Variants in RCAN2 observed in about 807,000 individuals in gnomAD.
The protein encoded by RCAN2 is calcipressin-2.
Under a neutral mutation model 23.6 loss-of-function variants are expected in RCAN2, and 9 were observed. The ratio of observed to expected loss-of-function variants is 0.38; its 90% CI spans 0.23 to 0.67. RCAN2 has a LOEUF of 0.67. Among genes scored for constraint, RCAN2 ranks in the 30% least tolerant of loss-of-function variants. RCAN2 has a pLI of 0.51. For missense variants in RCAN2, 273 were observed against 302.3 expected, an observed-to-expected ratio of 0.90 and a Z score of 0.72; for synonymous variants, 109 against 115.7, an observed-to-expected ratio of 0.94 and a Z score of 0.37.
At chr6:46,483,518 T>C (rs1012101293) in intron 1 of RCAN2, among the ~76,000 whole-genome samples, 1 of 152,166 alleles carries the variant, frequency 6.6e-6, no homozygotes, top group African/African-American at 2.4e-5. Context: ...CCCCACAGTG[T>C]TCATGTGTTG....
chr6:46,286,392 T>G (rs1582066472), intron 2 of RCAN2, among the ~76,000 whole-genome samples: 1 of 152,354 alleles, frequency 6.6e-6, no homozygotes, highest in East Asian at 1.9e-4. Context: ...CTAAGGTTTT[T>G]CTTTTCACAC....
intron 1 of RCAN2, among the ~76,000 whole-genome samples, chr6:46,457,934 G>T (rs1242042036): frequency 1.3e-5 from 2 of 152,076 alleles, no homozygotes; most frequent in African/African-American, 4.8e-5. Flanking sequence ...TAATTTAGTG[G>T]ATTAGGTCAG....
In RCAN2 at chr6:46,326,495, G is replaced by C. The variant is rs914971259; in HGVS notation, c.226-77599C>G. Among the ~76,000 whole-genome samples, 3 of 152,154 alleles carry C rather than the reference G, an allele frequency of 2.0e-5. No homozygotes were observed. In the East Asian group the frequency reaches 5.8e-4, roughly 29 times the overall value. On this transcript the variant is annotated intron_variant, in intron 2 of 4. Transcript: ENST00000371374. The stretch of plus-strand genomic sequence containing the variant: ...ATCCCTGAGGGGCAAGGCCACAGAT[G>C]ATTTACCTTTATATCTTCAGTCTTT...
chr6:46,288,425 G>C (rs939405473), intron 2 of RCAN2, among the ~76,000 whole-genome samples: 1 of 152,190 alleles, frequency 6.6e-6, no homozygotes, highest in African/African-American at 2.4e-5. Flanking sequence ...TGCCCCAGCT[G>C]CCCATTTTAA....
chr6:46,321,503 G>A (rs888656508), intron 2 of RCAN2, among the ~76,000 whole-genome samples: 27 of 152,336 alleles, frequency 1.8e-4, no homozygotes, highest in African/African-American at 6.0e-4. Flanking sequence ...TCTAATGAGC[G>A]GAAGGGAGCT....
intron 2 of RCAN2, among the ~76,000 whole-genome samples, chr6:46,446,697 A>G (rs1160540684): frequency 6.6e-6 from 1 of 152,204 alleles, no homozygotes; most frequent in Admixed American, 6.5e-5. Flanking sequence ...GTGACACCAA[A>G]AACATAAAAT....
intron 2 of RCAN2, among the ~76,000 whole-genome samples, chr6:46,264,245 T>C (rs1230112851): frequency 2.6e-5 from 4 of 152,220 alleles, no homozygotes; most frequent in Non-Finnish European, 5.9e-5. Flanking sequence ...ATGTTCCATA[T>C]CATGTCCTTT....
intron 2 of RCAN2, among the ~76,000 whole-genome samples, chr6:46,439,986 TTC>T (rs1432657985): frequency 1.3e-5 from 2 of 152,214 alleles, no homozygotes; most frequent in East Asian, 3.9e-4. Context: ...CTGTTCCAAA[TTC>T]TACAACTTGA....
chr6:46,391,601 T>A (rs1396946587), intron 2 of RCAN2, among the ~76,000 whole-genome samples: 2 of 152,192 alleles, frequency 1.3e-5, no homozygotes, highest in Non-Finnish European at 2.9e-5. Context: ...ACTTCAAATC[T>A]TGAGAGCAAA....
intron 2 of RCAN2, among the ~76,000 whole-genome samples, chr6:46,433,433 A>G (rs9381450): frequency 0.43 from 65,164 of 152,054 alleles, 14,483 homozygotes; most frequent in East Asian, 0.6. Context: ...ATGCGATTAC[A>G]TTAAGGACTT....
intron 2 of RCAN2, among the ~76,000 whole-genome samples, chr6:46,249,557 TG>T (rs1766639899): frequency 2.0e-5 from 3 of 152,050 alleles, no homozygotes; most frequent in Admixed American, 2.0e-4. Flanking sequence ...GGACCTCAAG[TG>T]ATCCACCTGT....
intron 1 of RCAN2, among the ~76,000 whole-genome samples, chr6:46,463,996 G>A (rs1229620607): frequency 6.6e-6 from 1 of 152,050 alleles, no homozygotes; most frequent in Non-Finnish European, 1.5e-5. Context: ...GATAAATAAG[G>A]AAATAGAATA....
intron 2 of RCAN2, among the ~76,000 whole-genome samples, chr6:46,347,873 T>C (rs1185443659): frequency 6.6e-6 from 1 of 152,262 alleles, no homozygotes; most frequent in Non-Finnish European, 1.5e-5. Flanking sequence ...CTAAGAGATA[T>C]CTGTTTAACA....
intron 2 of RCAN2, among the ~76,000 whole-genome samples, chr6:46,321,574 T>C (rs1763618415): frequency 6.6e-6 from 1 of 152,224 alleles, no homozygotes. Flanking sequence ...ACCTGGTACA[T>C]GAATCAGAAG....
At chr6:46,404,771 T>C (rs1296819680) in intron 2 of RCAN2, among the ~76,000 whole-genome samples, 1 of 152,214 alleles carries the variant, frequency 6.6e-6, no homozygotes, top group Non-Finnish European at 1.5e-5. Context: ...ATCTTTATTA[T>C]ATGATATCAT....
intron 2 of RCAN2, among the ~76,000 whole-genome samples, chr6:46,442,502 C>T (rs1164513157): frequency 6.6e-6 from 1 of 152,100 alleles, no homozygotes; most frequent in Non-Finnish European, 1.5e-5. Context: ...CTTAAGACTG[C>T]TTCTGCTCAT....
At chr6:46,265,064 G>T (rs1037050571) in intron 2 of RCAN2, among the ~76,000 whole-genome samples, 2 of 152,172 alleles carry the variant, frequency 1.3e-5, no homozygotes, top group African/African-American at 4.8e-5. Flanking sequence ...CACCCAGTGG[G>T]ATGGACACGT....
intron 2 of RCAN2, among the ~76,000 whole-genome samples, chr6:46,312,318 AT>A (rs1403940947): frequency 1.3e-5 from 2 of 152,142 alleles, no homozygotes; most frequent in African/African-American, 4.8e-5. Flanking sequence ...GTGCATGTGT[AT>A]TTGCTCTCAG....
intron 2 of RCAN2, among the ~76,000 whole-genome samples, chr6:46,387,255 A>T (rs1363893796): frequency 6.6e-6 from 1 of 152,214 alleles, no homozygotes; most frequent in Non-Finnish European, 1.5e-5. Context: ...GACAAATAGG[A>T]TCTAATTAAA....
Sources: gnomAD v4.1 joint callset for allele counts (sites outside exome capture counted in the v4.1 genomes callset) on GRCh38, gnomAD v4.1.1 for gene constraint, MANE v1.5 for transcripts, NCBI Gene and HGNC (gene_info 2026-07-23, HGNC 2026-07-21) for gene names.